CCNY: variants seen among roughly 807,000 people sequenced by gnomAD.
CCNY encodes the protein cyclin-Y.
In CCNY, 19 loss-of-function variants were observed where a neutral mutation model predicts 42.8. The ratio of observed to expected loss-of-function variants is 0.44; its 90% CI spans 0.31 to 0.65. The LOEUF (loss-of-function observed/expected upper bound fraction) is 0.65, where lower values mean the gene tolerates loss of function less well. Ranked by LOEUF, CCNY falls within the 30% of genes least tolerant of loss-of-function variation. The pLI, the probability that CCNY is intolerant of heterozygous loss-of-function variation, is 0.07. For synonymous variants in CCNY, 165 were observed against 162.7 expected (o/e 1.01, Z -0.11); for missense variants, 370 against 437.3 (o/e 0.85, Z 1.37).
At chr10:35,461,554 T>C (rs557568802) in intron 1 of CCNY, among the ~76,000 whole-genome samples, 4 of 152,056 alleles carry the variant, frequency 2.6e-5, no homozygotes, top group Admixed American at 6.5e-5. Flanking sequence ...AAGTGGAGTT[T>C]ATAAGGAAGT....
chr10:35,395,109 C>T (rs1267279252), intron 1 of CCNY, among the ~76,000 whole-genome samples: 2 of 152,026 alleles, frequency 1.3e-5, no homozygotes, highest in African/African-American at 4.8e-5. Context: ...GTAGTGTGCT[C>T]CCTTAAAGAT....
At chr10:35,394,275 A>G (rs1308114753) in intron 1 of CCNY, among the ~76,000 whole-genome samples, 3 of 152,240 alleles carry the variant, frequency 2.0e-5, no homozygotes, top group Non-Finnish European at 4.4e-5. Flanking sequence ...CACTTTGAGA[A>G]GCCTGGTAGA....
At chr10:35,508,910 A>T (rs1240167820) in intron 3 of CCNY, among the ~76,000 whole-genome samples, 1 of 151,470 alleles carries the variant, frequency 6.6e-6, no homozygotes, top group East Asian at 1.9e-4. Context: ...AGTCATTCCT[A>T]CTCCTTCCCC....
chr10:35,501,410 G>A, intron 2 of CCNY, 91 bp from the exon 3 acceptor site: 1 of 1,061,228 alleles, frequency 9.4e-7, no homozygotes, highest in East Asian at 2.4e-5. Flanking sequence ...TGGAAGGACG[G>A]GACCACGACA....
At chr10:35,289,878 CAAA>C (rs35388058) in intron 3 of CCNY, among the ~76,000 whole-genome samples, 4 of 85,582 alleles carry the variant, frequency 4.7e-5, no homozygotes, top group Admixed American at 1.2e-4. Context: ...GACTCTGTCT[CAAA>C]AAAAAAAAAA....
chr10:35,297,375 A>G lies in CCNY; in HGVS notation c.-9+46749A>G, dbSNP rs550270317. Among the ~76,000 whole-genome samples the G allele has an allele frequency of 4.6e-5, 7 of 152,326 alleles. No individual in the cohort carries two copies. The East Asian group carries it at 7.7e-4, about 17-fold the overall frequency. ...TACGTCAAAATAATAAGAGCTATCT[A>G]TGACAAACCCACAGCCAACATCATA... On this transcript the variant is annotated intron_variant, in intron 3 of 11. Coordinates refer to the CCNY transcript ENST00000374706.
At chr10:35,285,857 G>A (rs912426886) in intron 3 of CCNY, among the ~76,000 whole-genome samples, 7 of 152,158 alleles carry the variant, frequency 4.6e-5, no homozygotes, top group Non-Finnish European at 8.8e-5. Flanking sequence ...TTGTTGCCCA[G>A]GCTGGAGTGC....
At chr10:35,560,018 C>G (rs551560396) in intron 8 of CCNY, among the ~76,000 whole-genome samples, 42 of 151,878 alleles carry the variant, frequency 2.8e-4, no homozygotes, top group African/African-American at 9.2e-4. Flanking sequence ...AAAGGGGATG[C>G]CTGTCCTATG....
At chr10:35,271,749 G>A (rs983851412) in intron 3 of CCNY, among the ~76,000 whole-genome samples, 1 of 152,134 alleles carries the variant, frequency 6.6e-6, no homozygotes, top group Non-Finnish European at 1.5e-5. Context: ...TTTCCTTGGC[G>A]CTTTGCCCTC....
chr10:35,397,056 T>A (rs28425659), intron 1 of CCNY, among the ~76,000 whole-genome samples: 1 of 152,140 alleles, frequency 6.6e-6, no homozygotes, highest in Non-Finnish European at 1.5e-5. Flanking sequence ...AGGTGCCCCT[T>A]GGACCCCACA....
chr10:35,349,868 A>G (rs556984586), intron 1 of CCNY, among the ~76,000 whole-genome samples: 1 of 152,376 alleles, frequency 6.6e-6, no homozygotes, highest in East Asian at 1.9e-4. Context: ...CCTGAAAATC[A>G]GTGCCTTACA....
intron 1 of CCNY, among the ~76,000 whole-genome samples, chr10:35,395,705 G>A (rs1396271556): frequency 6.6e-6 from 1 of 152,234 alleles, no homozygotes; most frequent in African/African-American, 2.4e-5. Context: ...AGAGCCTTCA[G>A]AGCAGTCCGA....
At chr10:35,531,381 T>TAA (rs1840767478) in intron 7 of CCNY, among the ~76,000 whole-genome samples, 1 of 152,236 alleles carries the variant, frequency 6.6e-6, no homozygotes, top group Non-Finnish European at 1.5e-5. Flanking sequence ...GTTGGCTTGT[T>TAA]GCTCATTCAT....
intron 2 of CCNY, among the ~76,000 whole-genome samples, chr10:35,499,124 T>C (rs1309981141): frequency 2.9e-5 from 4 of 139,676 alleles, no homozygotes; most frequent in African/African-American, 3.1e-5. Flanking sequence ...TCTGCTGTAG[T>C]TTTTTTTTTG....
chr10:35,255,239 C>T (rs1487158467), intron 3 of CCNY, among the ~76,000 whole-genome samples: 1 of 151,996 alleles, frequency 6.6e-6, no homozygotes, highest in African/African-American at 2.4e-5. Flanking sequence ...TATCCTAGAA[C>T]TGTTTATTTC....
At chr10:35,558,828 G>A (rs917096828) in intron 8 of CCNY, among the ~76,000 whole-genome samples, 51 of 152,314 alleles carry the variant, frequency 3.3e-4, no homozygotes, top group African/African-American at 1.2e-3. Context: ...ATAAATTTCT[G>A]TTGTTGAAGC....
At chr10:35,465,276 C>G (rs1431608247) in intron 1 of CCNY, among the ~76,000 whole-genome samples, 1 of 152,076 alleles carries the variant, frequency 6.6e-6, no homozygotes, top group Non-Finnish European at 1.5e-5. Flanking sequence ...GATGGCCCCT[C>G]CCCGCCCCGC....
At chr10:35,505,024 C>T (rs1453840976) in intron 3 of CCNY, among the ~76,000 whole-genome samples, 1 of 148,968 alleles carries the variant, frequency 6.7e-6, no homozygotes, top group Non-Finnish European at 1.5e-5. Context: ...AATTTGCTGA[C>T]ATTTTGACTT....
chr10:35,437,389 T>C (rs1271126883), intron 1 of CCNY, among the ~76,000 whole-genome samples: 1 of 152,228 alleles, frequency 6.6e-6, no homozygotes, highest in African/African-American at 2.4e-5. Flanking sequence ...TTTGGCTATT[T>C]AAAGTATCAT....
Sources: allele counts gnomAD v4.1 joint callset (sites outside exome capture counted in the v4.1 genomes callset), GRCh38; gene constraint gnomAD v4.1.1; transcripts MANE v1.5; gene names NCBI Gene and HGNC (gene_info 2026-07-23, HGNC 2026-07-21).